Variants in ADGRE2 observed in about 807,000 individuals in gnomAD.
The protein encoded by ADGRE2 is CD97 antigen.
ADGRE2 carries 83 observed loss-of-function variants against 100.8 expected under a neutral mutation model. The observed-to-expected ratio is 0.82, with a 90% CI of 0.69 to 0.99. ADGRE2 has a LOEUF of 0.99. ADGRE2 is among the 50% of genes least tolerant of loss of function. The pLI, the probability that ADGRE2 is intolerant of heterozygous loss-of-function variation, is 0.00. For synonymous variants in ADGRE2, 355 were observed against 413.0 expected (o/e 0.86, Z 1.70); for missense variants, 814 against 1,035.7 (o/e 0.79, Z 2.94).
rs1206035320 is a variant in ADGRE2, at chr19:14,736,789, TAG to T, written c.2464-547_2464-546del. 1.2e-3 allele frequency among the ~76,000 whole-genome samples: 177 copies of T among 141,888 alleles called. 2 individuals are homozygous for T. The highest frequency in any genetic ancestry group is 2.3e-3 in the Non-Finnish European group (149 of 65,480). 93.1% of individuals were successfully genotyped at this position (141,888 alleles called of 152,430 possible). ...TTAGAAATATAGATATTTAGAAGTA[TAG>T]ATATTTAGAAATATATAGATATTTA... On this transcript the variant is annotated intron_variant, in intron 20 of 20. Transcript: ENST00000315576.
intron 16 of ADGRE2, among the ~76,000 whole-genome samples, chr19:14,750,711 G>T (rs2043258627): frequency 6.6e-6 from 1 of 152,174 alleles, no homozygotes; most frequent in African/African-American, 2.4e-5. Context: ...TATCCTAAAA[G>T]ATTTAGATAA....
intron 18 of ADGRE2, among the ~76,000 whole-genome samples, chr19:14,744,902 T>G (rs2043040567): frequency 6.6e-6 from 1 of 151,486 alleles, no homozygotes; most frequent in Non-Finnish European, 1.5e-5. Flanking sequence ...TTGCACTTTT[T>G]TTTTTGAGTT....
rs1013578150 is a variant in ADGRE2, at chr19:14,733,604, A to C, written c.*2632T>G. On this transcript the variant is annotated 3_prime_UTR_variant, in exon 21 of 21. Transcript: ENST00000315576. ...TATAAGCACAACAAAAAAAACACAG[A>C]AGCAGTCCAAGCCTCTAAGAAACTC... The C allele has an allele frequency of 2.0e-5, 3 of 152,198 alleles. No individual in the cohort carries two copies. The highest frequency in any genetic ancestry group is 1.3e-4 in the Admixed American group (2 of 15,256). The allele number at this position is 152,198 out of a possible 1,614,324, so 9.4% of individuals were successfully genotyped here.
chr19:14,772,460 G>T lies in ADGRE2; in HGVS notation c.237C>A (p.Cys79Ter), dbSNP rs767079042. 1.2e-6 allele frequency: 2 copies of T among 1,613,842 alleles called. No homozygotes were observed. Among genetic ancestry groups the T allele is most frequent in the South Asian group, 2.2e-5 (2 of 91,062 alleles). The change falls in exon 5 of 21, where the codon TGC becomes TGA. Residue 79 changes from cysteine to a stop codon, truncating the protein, a stop_gained. Coordinates refer to ENST00000315576, the MANE Select transcript of ADGRE2 (RefSeq NM_013447.4). LOFTEE classifies it high-confidence loss of function. ...TGTTCCAGCAGTCCGAGAATTTTCC[G>T]CATGACACTTTCGACAGTGTTGCAC... ...NECATLSKVS[C>*]GKFSDCWNTE... is the part of the protein sequence containing the mutation.
At chr19:14,728,911 T>G (rs981602482), downstream of ADGRE2, among the ~76,000 whole-genome samples, 23 of 152,130 alleles carry the variant, frequency 1.5e-4, no homozygotes, top group Admixed American at 6.5e-5. Context: ...CCTTCCCCCA[T>G]GGGCTGGGGT....
downstream of ADGRE2, chr19:14,731,834 CATAA>C (rs748394797): frequency 2.6e-5 from 4 of 152,100 alleles, no homozygotes; most frequent in East Asian, 1.9e-4. Context: ...TTATTTCCAT[CATAA>C]ATAAAGAGAA....
chr19:14,734,524 A>G lies in ADGRE2; in HGVS notation c.*1712T>C, dbSNP rs1338562255. The G allele has an allele frequency of 6.6e-6, 1 of 152,196 alleles. No individual in the cohort carries two copies. Among genetic ancestry groups the G allele is most frequent in the Non-Finnish European group, 1.5e-5 (1 of 68,038 alleles). The allele number at this position is 152,196 out of a possible 1,614,324, so 9.4% of individuals were successfully genotyped here. The stretch of plus-strand genomic sequence containing the variant: ...TGACAAAGCAAGACCCTGCCTCAAA[A>G]AAAATTAGAATCTACCAGGTTGAGT... On this transcript the variant is annotated 3_prime_UTR_variant, in exon 21 of 21. Coordinates refer to ENST00000315576, the MANE Select transcript of ADGRE2 (RefSeq NM_013447.4).
intron 16 of ADGRE2, 84 bp from the exon 17 acceptor site, chr19:14,747,046 A>G: frequency 1.9e-6 from 2 of 1,066,352 alleles, no homozygotes; most frequent in Non-Finnish European, 2.8e-6. Flanking sequence ...CCTCCTCACC[A>G]CTTCCTCACT....
rs562869010 is a variant in ADGRE2, at chr19:14,768,455, C to T, written c.356-1346G>A. On this transcript the variant is annotated intron_variant, in intron 5 of 20. Coordinates refer to ENST00000315576, the MANE Select transcript of ADGRE2 (RefSeq NM_013447.4). The stretch of plus-strand genomic sequence containing the variant: ...AAGGTTTAGTGGCTGGAGAGGGGCA[C>T]AGATGCTGATGGGCAAAGATGGAGG... Among the ~76,000 whole-genome samples, 29 of 152,322 alleles carry T rather than the reference C, an allele frequency of 1.9e-4. No individual in the cohort carries two copies. The South Asian group carries it at 5.2e-3, about 27-fold the overall frequency.
At chr19:14,727,355 G>C in the ADGRE2 span, among the ~76,000 whole-genome samples, 20 of 152,162 alleles carry the variant, frequency 1.3e-4, no homozygotes, top group Non-Finnish European at 2.8e-4. Context: ...TTGGCTCACT[G>C]TTTTGCAGGC....
At chr19:14,757,969 A>G (rs1304190618) in intron 11 of ADGRE2, among the ~76,000 whole-genome samples, 1 of 152,108 alleles carries the variant, frequency 6.6e-6, no homozygotes, top group Non-Finnish European at 1.5e-5. Flanking sequence ...ACATCTGGTT[A>G]ATTATTTTTA....
intron 11 of ADGRE2, among the ~76,000 whole-genome samples, chr19:14,757,063 C>A (rs1186055890): frequency 1.3e-5 from 2 of 152,024 alleles, no homozygotes; most frequent in South Asian, 2.1e-4. Flanking sequence ...CTACCACAGC[C>A]AGCTAATTTT....
chr19:14,729,188 C>G (rs561582200), downstream of ADGRE2, among the ~76,000 whole-genome samples: 4 of 152,224 alleles, frequency 2.6e-5, no homozygotes, highest in South Asian at 8.3e-4. Context: ...TGAAGAGAAA[C>G]CGAGAGATTC....
chr19:14,774,554 G>T (rs1337561622), intron 2 of ADGRE2, among the ~76,000 whole-genome samples: 1 of 151,412 alleles, frequency 6.6e-6, no homozygotes, highest in Non-Finnish European at 1.5e-5. Context: ...GGTCACCCAG[G>T]CTGGGGTGCA....
chr19:14,767,105 C>T lies in ADGRE2; in HGVS notation c.360G>A (p.Val120=). ...KNESENTCQD[V]DECQQNPRLC... The stretch of plus-strand genomic sequence containing the variant: ...GCCTTGGGTTCTGCTGACATTCGTC[C>T]ACATCTGCAAGAGGAAGGAGAGGGT... Residue 120 remains valine, a synonymous_variant, in exon 6 of 21, where the codon GTG becomes GTA. Transcript: ENST00000315576. The T allele has an allele frequency of 6.2e-7, 1 of 1,603,118 alleles. No homozygotes were observed. The highest frequency in any genetic ancestry group is 1.4e-5 in the African/African-American group (1 of 73,576).
Position 14,755,113 on chromosome 19 carries a change from T to A in ADGRE2, c.1431A>T (p.Arg477Ser). 6.2e-7 allele frequency: 1 copy of A among 1,613,868 alleles called. No homozygotes were observed. Among genetic ancestry groups the A allele is most frequent in the East Asian group, 2.2e-5 (1 of 44,854 alleles). ...FTFSHRSVIP[R>S]QKVLCVFWEH... is the part of the protein sequence containing the mutation. ...CCCAGAAGACACAGAGCACCTTCTG[T>A]CTCGGGATCACTGACTGCAGGAACA... is the stretch of plus-strand genomic sequence containing the variant. Residue 477 changes from arginine (R) to serine (S), a missense_variant, in exon 14 of 21, where the codon AGA becomes AGT. Around this residue, in one of 5 missense-constraint regions of ADGRE2, gnomAD observed 569 missense variants for 692.7 expected, o/e 0.82. Transcript: ENST00000315576.
chr19:14,771,346 A>G (rs1042465652), intron 5 of ADGRE2, among the ~76,000 whole-genome samples: 1 of 151,896 alleles, frequency 6.6e-6, no homozygotes, highest in Non-Finnish European at 1.5e-5. Flanking sequence ...CTCTGTGTTA[A>G]TCTCCCTTCT....
chr19:14,771,493 G>A (rs1368162542), intron 5 of ADGRE2, among the ~76,000 whole-genome samples: 1 of 152,160 alleles, frequency 6.6e-6, no homozygotes, highest in Non-Finnish European at 1.5e-5. Flanking sequence ...TGGAGCTGCA[G>A]TGTGGAATAA....
intron 11 of ADGRE2, among the ~76,000 whole-genome samples, chr19:14,758,269 C>A (rs1292494354): frequency 6.6e-6 from 1 of 152,192 alleles, no homozygotes; most frequent in Non-Finnish European, 1.5e-5. Context: ...GCAAATCATT[C>A]ATCTCAGATG....
Sources: allele counts gnomAD v4.1 joint callset (sites outside exome capture counted in the v4.1 genomes callset), GRCh38; gene constraint gnomAD v4.1.1; regional missense constraint gnomAD v4.1.1; transcripts MANE v1.5; gene names NCBI Gene and HGNC (gene_info 2026-07-23, HGNC 2026-07-21).